The following NXPH1 variants were observed in gnomAD, a reference collection of about 807,000 sequenced individuals.
NXPH1 encodes the protein neurexophilin-1.
A neutral mutation model predicts 23.7 loss-of-function variants in NXPH1; 5 were observed. The observed-to-expected ratio is 0.21, with a 90% confidence interval of 0.11 to 0.44. The LOEUF (loss-of-function observed/expected upper bound fraction) is 0.44, where lower values mean the gene tolerates loss of function less well. Among genes scored for constraint, NXPH1 ranks in the 20% least tolerant of loss-of-function variants. NXPH1 has a pLI of 0.99. For synonymous variants in NXPH1, 144 were observed against 122.2 expected (o/e 1.18, Z -1.18); for missense variants, 324 against 321.6 (o/e 1.01, Z -0.06).
intron 2 of NXPH1, among the ~76,000 whole-genome samples, chr7:8,492,501 A>G (rs191180540): frequency 3.9e-5 from 6 of 152,214 alleles, no homozygotes; most frequent in African/African-American, 1.4e-4. Context: ...TATTTATTCA[A>G]CAAATGTTTA....
intron 2 of NXPH1, among the ~76,000 whole-genome samples, chr7:8,647,406 C>T (rs1430006882): frequency 6.6e-6 from 1 of 152,156 alleles, no homozygotes; most frequent in East Asian, 1.9e-4. Context: ...TCCTTCTGTC[C>T]ATCCATGGTC....
At chr7:8,473,372 T>C (rs1413868370) in intron 2 of NXPH1, among the ~76,000 whole-genome samples, 1 of 152,168 alleles carries the variant, frequency 6.6e-6, no homozygotes, top group African/African-American at 2.4e-5. Context: ...CCCACTGCTA[T>C]TGATTTTCGC....
chr7:8,509,535 G>A (rs569651504), intron 2 of NXPH1, among the ~76,000 whole-genome samples: 24 of 152,030 alleles, frequency 1.6e-4, no homozygotes, highest in Non-Finnish European at 3.5e-4. Context: ...GCAATCGTAA[G>A]GAAATTGGTA....
intron 2 of NXPH1, among the ~76,000 whole-genome samples, chr7:8,502,787 G>A (rs1817457609): frequency 6.6e-6 from 1 of 151,518 alleles, no homozygotes. Context: ...TACCTCACTG[G>A]CAGAAGTTAC....
At chr7:8,619,785 C>G (rs1180837070) in intron 2 of NXPH1, among the ~76,000 whole-genome samples, 1 of 152,084 alleles carries the variant, frequency 6.6e-6, no homozygotes, top group Non-Finnish European at 1.5e-5. Context: ...ATACTAATAC[C>G]ATTATTTCAT....
chr7:8,678,944 TTTTTTTTTTTTTTTTTTTTG>T (rs1455959729), intron 2 of NXPH1, among the ~76,000 whole-genome samples: 1 of 59,186 alleles, frequency 1.7e-5, no homozygotes, highest in Non-Finnish European at 4.7e-5. Flanking sequence ...TTTTTTTTTT[TTTTTTTTTTTTTTTTTTTTG>T]TTGAGACGGA....
intron 2 of NXPH1, among the ~76,000 whole-genome samples, chr7:8,720,859 G>C (rs1187048458): frequency 6.6e-6 from 1 of 152,130 alleles, no homozygotes; most frequent in Non-Finnish European, 1.5e-5. Context: ...ATGATTTGCA[G>C]TGCACATCAG....
intron 2 of NXPH1, among the ~76,000 whole-genome samples, chr7:8,538,280 A>G (rs1218430486): frequency 6.6e-6 from 1 of 151,918 alleles, no homozygotes; most frequent in African/African-American, 2.4e-5. Context: ...AAGGCATACA[A>G]GCCATTCATT....
At chr7:8,605,583 A>G (rs1028331014) in intron 2 of NXPH1, among the ~76,000 whole-genome samples, 3 of 152,150 alleles carry the variant, frequency 2.0e-5, no homozygotes, top group African/African-American at 7.2e-5. Flanking sequence ...ACACAGACAG[A>G]ATATTTCACA....
chr7:8,569,671 T>G (rs1043026942), intron 2 of NXPH1, among the ~76,000 whole-genome samples: 4 of 151,804 alleles, frequency 2.6e-5, no homozygotes, highest in African/African-American at 9.7e-5. Context: ...GTTTCAGAGT[T>G]TTCAAAGTAA....
chr7:8,712,073 G>A (rs767003637), intron 2 of NXPH1, among the ~76,000 whole-genome samples: 9 of 152,272 alleles, frequency 5.9e-5, no homozygotes, highest in Middle Eastern at 6.8e-3. Flanking sequence ...AAAGAGAGTC[G>A]AGAAGTGGAG....
chr7:8,639,561 A>T (rs771045908), intron 2 of NXPH1, among the ~76,000 whole-genome samples: 2 of 152,134 alleles, frequency 1.3e-5, no homozygotes, highest in African/African-American at 2.4e-5. Flanking sequence ...TTTCTTAATT[A>T]TTAGTGAGGC....
chr7:8,500,879 G>T (rs1005324502), intron 2 of NXPH1, among the ~76,000 whole-genome samples: 1 of 151,998 alleles, frequency 6.6e-6, no homozygotes, highest in Non-Finnish European at 1.5e-5. Flanking sequence ...AAATAATGAC[G>T]TAGGGGTCCC....
chr7:8,669,110 G>A (rs1014698745), intron 2 of NXPH1, among the ~76,000 whole-genome samples: 1 of 152,250 alleles, frequency 6.6e-6, no homozygotes, highest in Non-Finnish European at 1.5e-5. Context: ...GTGATTTACT[G>A]TGATGGGTCT....
intron 2 of NXPH1, among the ~76,000 whole-genome samples, chr7:8,476,196 G>A (rs1816968294): frequency 6.6e-6 from 1 of 152,058 alleles, no homozygotes; most frequent in South Asian, 2.1e-4. Flanking sequence ...TATTCTGTGT[G>A]TATTTAAAAG....
intron 2 of NXPH1, among the ~76,000 whole-genome samples, chr7:8,527,774 T>G (rs1447200077): frequency 1.3e-5 from 2 of 152,144 alleles, no homozygotes; most frequent in East Asian, 3.9e-4. Flanking sequence ...GACATTTTCC[T>G]CTCCTGAAGA....
At chr7:8,585,967 T>C (rs1818971084) in intron 2 of NXPH1, among the ~76,000 whole-genome samples, 2 of 152,132 alleles carry the variant, frequency 1.3e-5, no homozygotes, top group Admixed American at 1.3e-4. Flanking sequence ...CATGGGAATG[T>C]TGGGGATAAA....
In NXPH1 at chr7:8,442,951, C is replaced by A. The variant is rs1181768272; in HGVS notation, c.54+7184C>A. Among the ~76,000 whole-genome samples the A allele has an allele frequency of 6.6e-6, 1 of 152,238 alleles. No individual in the cohort carries two copies. The highest frequency in any genetic ancestry group is 2.4e-5 in the African/African-American group (1 of 41,466). On this transcript the variant is annotated intron_variant, in intron 2 of 2. Transcript: ENST00000405863. The surrounding 1 kb of genome is among the most constrained non-coding windows in gnomAD (Gnocchi z 4.6). ...ATCGCGGGCAGGCGGGCGTGGGGCA[C>A]GCCAGGGCCGGGAGAGCGACTCTTC...
chr7:8,702,902 C>T (rs762864148), intron 2 of NXPH1, among the ~76,000 whole-genome samples: 14 of 151,998 alleles, frequency 9.2e-5, no homozygotes, highest in South Asian at 4.1e-4. Context: ...CCAACTATTG[C>T]CTCTGGGCTC....
Sources: allele counts gnomAD v4.1 joint callset (sites outside exome capture counted in the v4.1 genomes callset), GRCh38; gene constraint gnomAD v4.1.1; non-coding constraint Gnocchi (gnomAD v3.1); transcripts MANE v1.5; gene names NCBI Gene and HGNC (gene_info 2026-07-23, HGNC 2026-07-21).